Variants in COL4A6 observed in about 807,000 individuals in gnomAD.
The protein encoded by COL4A6 is collagen alpha-6(IV) chain.
COL4A6 carries 59 observed loss-of-function variants against 126.7 expected under a neutral mutation model. The observed-to-expected ratio is 0.47, with a 90% CI of 0.38 to 0.58. COL4A6 has a LOEUF of 0.58. Among genes scored for constraint, COL4A6 ranks in the 20% least tolerant of loss-of-function variants. COL4A6 has a pLI of 0.00. For synonymous variants in COL4A6, 547 were observed against 496.6 expected (o/e 1.10, Z -1.35); for missense variants, 1,285 against 1,337.3 (o/e 0.96, Z 0.61).
At chrX:108,426,773 C>T (rs2064094595) in intron 2 of COL4A6, among the ~76,000 whole-genome samples, 2 of 112,020 alleles carry the variant, frequency 1.8e-5, no homozygotes, top group South Asian at 7.5e-4. Flanking sequence ...AATAATTTTA[C>T]AGTTAATAAT....
At chrX:108,367,275 T>C (rs1013615714) in intron 2 of COL4A6, among the ~76,000 whole-genome samples, 1 of 112,112 alleles carries the variant, frequency 8.9e-6, no homozygotes, top group African/African-American at 3.2e-5. Context: ...TGTGCCTATT[T>C]CATAGGATTA....
chrX:108,318,886 T>C (rs968553958), intron 2 of COL4A6, among the ~76,000 whole-genome samples: 2 of 112,674 alleles, frequency 1.8e-5, no homozygotes, highest in African/African-American at 6.5e-5. Flanking sequence ...ATTTCCAAGC[T>C]GCTTTTGTCT....
chrX:108,205,327 A>G (rs1341706701), intron 11 of COL4A6, 112 bp downstream of exon 11: 5 of 641,160 alleles, frequency 7.8e-6, no homozygotes, highest in Non-Finnish European at 5.1e-6. Context: ...GGAAATATTC[A>G]TTTCCCAAGG....
At position 108,333,041 on chromosome X, in the gene COL4A6, G is replaced by C. The variant is rs1011404599; in HGVS notation, c.64-22213C>G. Among the ~76,000 whole-genome samples, 7 of 110,655 alleles carry C rather than the reference G, an allele frequency of 6.3e-5. No homozygotes were observed. In the South Asian group the frequency reaches 2.6e-3, roughly 42 times the overall value. On this transcript the variant is annotated intron_variant, in intron 2 of 44. Transcript: ENST00000334504. The stretch of plus-strand genomic sequence containing the variant: ...GATATGGGTTCAGTTTCATTCTTCT[G>C]CATATGGCTGTCCAATTTTTCCAGC...
At position 108,175,189 on chromosome X, in the gene COL4A6, C is replaced by T. The variant is rs745379963; in HGVS notation, c.2857G>A (p.Gly953Arg). The change falls in exon 30 of 45, where the codon GGA becomes AGA. Residue 953 changes from glycine to arginine, a missense_variant. Transcript: ENST00000334504. ...KGDRGNPGPVGIPSPRRPMSN... is the reference protein window; with the variant it reads ...KGDRGNPGPVRIPSPRRPMSN... ...ATTGGACGTCTTGGACTAGGTATTCCGACTGGCCCCGGATTGCCTCTGTCT... is the reference window on the plus strand; with the variant it reads ...ATTGGACGTCTTGGACTAGGTATTCTGACTGGCCCCGGATTGCCTCTGTCT... 23 of 1,193,084 alleles carry T rather than the reference C, an allele frequency of 1.9e-5. No individual in the cohort carries two copies. The highest frequency in any genetic ancestry group is 3.6e-5 in the African/African-American group (2 of 56,283).
intron 13 of COL4A6, among the ~76,000 whole-genome samples, chrX:108,198,003 T>G (rs2035274852): frequency 9.0e-6 from 1 of 111,637 alleles, no homozygotes; most frequent in African/African-American, 3.3e-5. Flanking sequence ...ATGCTGCGAC[T>G]TGGTGGAATG....
intron 26 of COL4A6, 84 bp from the exon 27 acceptor site, chrX:108,178,929 A>C: frequency 9.8e-7 from 1 of 1,024,506 alleles, no homozygotes; most frequent in Non-Finnish European, 1.3e-6. Flanking sequence ...GACTTATCCC[A>C]GGTGCCACTG....
chrX:108,295,813 T>C (rs1199286305), intron 3 of COL4A6, among the ~76,000 whole-genome samples: 2 of 111,440 alleles, frequency 1.8e-5, no homozygotes, highest in Non-Finnish European at 3.8e-5. Flanking sequence ...TTGGTATGAG[T>C]GGTAAAGTGG....
intron 2 of COL4A6, among the ~76,000 whole-genome samples, chrX:108,381,378 G>A (rs773191510): frequency 8.9e-6 from 1 of 112,008 alleles, no homozygotes; most frequent in Non-Finnish European, 1.9e-5. Context: ...CTAGCATACT[G>A]CTTTAAAAGA....
At chrX:108,197,808 T>TGTGC (rs1428317548) in intron 13 of COL4A6, among the ~76,000 whole-genome samples, 1 of 108,076 alleles carries the variant, frequency 9.3e-6, no homozygotes, top group African/African-American at 3.4e-5. Flanking sequence ...TGTGTGTGTG[T>TGTGC]GTAGGATCCA....
intron 3 of COL4A6, among the ~76,000 whole-genome samples, chrX:108,226,770 C>T (rs777987612): frequency 1.2e-4 from 13 of 111,047 alleles, no homozygotes; most frequent in Middle Eastern, 4.6e-3. Flanking sequence ...CTCCATGACC[C>T]TTCCATTCCC....
At position 108,221,323 on chromosome X, in the gene COL4A6, T is replaced by C; in HGVS notation, c.196A>G (p.Thr66Ala). The C allele has an allele frequency of 8.3e-7, 1 of 1,211,855 alleles. No individual in the cohort carries two copies. Among genetic ancestry groups the C allele is most frequent in the Non-Finnish European group, 1.1e-6 (1 of 895,330 alleles). ...AATCCCGATAAACCAGTAGAGCCAG[T>C]GAATCCTTGAGGACCTGTTGGGCCT... ...IQGPTGPQGF[T>A]GSTGLSGLKG... Residue 66 changes from threonine to alanine, a missense_variant, in exon 4 of 45, where the codon ACT (threonine) becomes GCT (alanine). By Grantham distance (58) the Thr-to-Ala change is moderately conservative. Transcript: ENST00000334504.
At chrX:108,382,750 C>T (rs2040585499) in intron 2 of COL4A6, among the ~76,000 whole-genome samples, 1 of 109,164 alleles carries the variant, frequency 9.2e-6, no homozygotes, top group South Asian at 4.0e-4. Flanking sequence ...AATTCAAGAC[C>T]AGCCTGGCCA....
chrX:108,294,794 C>A (rs915265031), intron 3 of COL4A6, among the ~76,000 whole-genome samples: 6 of 111,229 alleles, frequency 5.4e-5, no homozygotes, highest in Admixed American at 9.6e-5. Context: ...GAAAATTAAA[C>A]GAGACAAGGT....
At position 108,188,668 on chromosome X, in the gene COL4A6, C is replaced by A. The variant is rs1303100097; in HGVS notation, c.1436G>T (p.Gly479Val). 1.7e-6 allele frequency: 2 copies of A among 1,146,956 alleles called. No individual in the cohort carries two copies. Among genetic ancestry groups the A allele is most frequent in the Admixed American group, 2.9e-5 (1 of 34,363 alleles). 94.5% of individuals were successfully genotyped at this position (1,146,956 alleles called of 1,213,427 possible). A position where few individuals can be genotyped will look rare whatever the true frequency, so the allele number is the denominator to read the frequency against. Reference sequence around the variant, plus strand: ...AACACCACCGTCACAAGCACAGAAACCTGAGTCTCCTGGGAGAAAAAGACA... The same window carrying A: ...AACACCACCGTCACAAGCACAGAAAACTGAGTCTCCTGGGAGAAAAAGACA... ...LGLKGIKGDS[G>V]FCACDGGVPN... Residue 479 changes from glycine to valine, a missense_variant, in exon 21 of 45, where the codon GGT becomes GTT. Physicochemically the swap from Gly to Val is moderately radical, Grantham distance 109 (BLOSUM62 -3). Coordinates refer to ENST00000334504, the MANE Select transcript of COL4A6 (RefSeq NM_033641.4).
At chrX:108,287,986 C>T (rs1178123786) in intron 3 of COL4A6, among the ~76,000 whole-genome samples, 2 of 111,842 alleles carry the variant, frequency 1.8e-5, no homozygotes, top group Non-Finnish European at 3.8e-5. Flanking sequence ...GTCTGAAAAC[C>T]ATTGTTTTCC....
Position 108,187,916 on chromosome X carries a change from A to G in COL4A6, c.1699T>C (p.Phe567Leu). 8.3e-7 allele frequency: 1 copy of G among 1,209,884 alleles called. No homozygotes were observed. The highest frequency in any genetic ancestry group is 1.8e-5 in the South Asian group (1 of 56,488). The change falls in exon 22 of 45, where the codon TTC becomes CTC. Residue 567 changes from phenylalanine to leucine, a missense_variant. Coordinates refer to ENST00000334504, the MANE Select transcript of COL4A6 (RefSeq NM_033641.4). ...GDRGDSGSQG[F>L]RGVIGEPGKD... ...CCTGGTTCTCCTATTACACCACGGA[A>G]GCCCTGGGAGCCAGAATCACCCCGA...
At chrX:108,379,230 G>T (rs1360236121) in intron 2 of COL4A6, among the ~76,000 whole-genome samples, 3 of 110,974 alleles carry the variant, frequency 2.7e-5, no homozygotes, top group Non-Finnish European at 5.7e-5. Context: ...ACACTTTTGT[G>T]AATAGTCACT....
At chrX:108,280,657 A>G (rs948566140) in intron 3 of COL4A6, among the ~76,000 whole-genome samples, 14 of 111,878 alleles carry the variant, frequency 1.3e-4, no homozygotes, top group Admixed American at 2.8e-4. Flanking sequence ...GGCTAGCATC[A>G]TCCTGATACC....
Sources: allele counts gnomAD v4.1 joint callset (sites outside exome capture counted in the v4.1 genomes callset), GRCh38; gene constraint gnomAD v4.1.1; transcripts MANE v1.5; gene names NCBI Gene and HGNC (gene_info 2026-07-23, HGNC 2026-07-21).